The following GLB1L3 variants were observed in gnomAD, a reference collection of about 807,000 sequenced individuals.
GLB1L3 encodes beta-galactosidase-1-like protein 3.
A neutral mutation model predicts 89.5 loss-of-function variants in GLB1L3; 89 were observed. That is an observed-to-expected ratio of 0.99 (90% CI 0.84 to 1.19). The LOEUF (loss-of-function observed/expected upper bound fraction) is 1.19. GLB1L3 is among the 50% of genes most tolerant of loss of function. The pLI is 0.00. For synonymous variants in GLB1L3, 314 were observed against 312.3 expected (o/e 1.01, Z -0.06); for missense variants, 812 against 813.3 (o/e 1.00, Z 0.02).
In GLB1L3 at chr11:134,305,381, T is replaced by C. The variant is rs1007212178; in HGVS notation, c.877-1743T>C. ...TCCTAAAATCTTCGACAAAGAGCAT[T>C]CTCTCTCTACGTTTTTTGAACCCCT... On this transcript the variant is annotated intron_variant, in intron 9 of 19. Coordinates refer to ENST00000431683, the MANE Select transcript of GLB1L3 (RefSeq NM_001080407.3). 15 of 461,538 alleles carry C rather than the reference T, an allele frequency of 3.2e-5. No homozygotes were observed. The Admixed American group carries it at 5.8e-4, about 18-fold the overall frequency. The allele number at this position is 461,538 out of a possible 1,614,324, so 28.6% of individuals were successfully genotyped here.
rs1238637869 is a variant in GLB1L3, at chr11:134,292,124, C to T, written c.730-8C>T. On this transcript the variant is annotated splice_polypyrimidine_tract_variant and splice_region_variant and intron_variant, in intron 7 of 19. Coordinates refer to ENST00000431683, the MANE Select transcript of GLB1L3 (RefSeq NM_001080407.3). ...AATTGGGTTCATTTTGGTTAATTTT[C>T]TCAACAGGCCCTGCTGAGAAGAGGG... 3 of 1,611,472 alleles carry T rather than the reference C, an allele frequency of 1.9e-6. No homozygotes were observed. Among genetic ancestry groups the T allele is most frequent in the Non-Finnish European group, 2.5e-6 (3 of 1,178,116 alleles).
intron 11 of GLB1L3, chr11:134,310,370 C>G: frequency 3.5e-6 from 2 of 579,190 alleles, no homozygotes; most frequent in Non-Finnish European, 6.1e-6. Flanking sequence ...AGTGTCATGG[C>G]TTGACACTGG....
At position 134,314,026 on chromosome 11, in the gene GLB1L3, G is replaced by A. The variant is rs759059987; in HGVS notation, c.1665G>A (p.Glu555=). Residue 555 remains glutamate, a splice_region_variant and synonymous_variant, in exon 17 of 20, where the codon GAG becomes GAA. Transcript: ENST00000431683. ...YSLEMKMSFF[E]RLRSATWKPV... Reference sequence around the variant, plus strand: ...TGGAGATGAAAATGAGCTTCTTTGAGAGGTATGCTCCAGCTGGCCCCCAGT... The same window carrying A: ...TGGAGATGAAAATGAGCTTCTTTGAAAGGTATGCTCCAGCTGGCCCCCAGT... 1 of 1,604,570 alleles carries A rather than the reference G, an allele frequency of 6.2e-7. No individual in the cohort carries two copies. The highest frequency in any genetic ancestry group is 1.7e-5 in the Admixed American group (1 of 59,798).
intron 5 of GLB1L3, among the ~76,000 whole-genome samples, chr11:134,283,220 A>G (rs1184333633): frequency 6.6e-6 from 1 of 151,678 alleles, no homozygotes; most frequent in Admixed American, 6.6e-5. Context: ...CCGCCACCAC[A>G]CCCGGCTAAT....
chr11:134,302,417 T>A (rs1191469245), intron 9 of GLB1L3, among the ~76,000 whole-genome samples: 1 of 152,224 alleles, frequency 6.6e-6, no homozygotes, highest in Non-Finnish European at 1.5e-5. Context: ...TCTCTGACTT[T>A]GGACATCATA....
chr11:134,313,273 C>G, intron 15 of GLB1L3, 123 bp from the exon 16 acceptor site: 1 of 692,734 alleles, frequency 1.4e-6, no homozygotes, highest in East Asian at 2.7e-5. Flanking sequence ...GGGAAGACTG[C>G]TGGGCCCTGG....
chr11:134,308,568 C>G (rs1174307466), intron 10 of GLB1L3, among the ~76,000 whole-genome samples: 9 of 138,296 alleles, frequency 6.5e-5, no homozygotes, highest in Non-Finnish European at 1.3e-4. Flanking sequence ...ACCACCACCA[C>G]CACCATCACC....
intron 18 of GLB1L3, among the ~76,000 whole-genome samples, chr11:134,317,433 TC>T (rs1943032698): frequency 6.6e-6 from 1 of 152,184 alleles, no homozygotes. Context: ...TTTTCCAACT[TC>T]CTTTGTCATT....
At chr11:134,312,734 C>T in intron 14 of GLB1L3, 82 bp from the exon 15 acceptor site, 1 of 1,172,420 alleles carries the variant, frequency 8.5e-7, no homozygotes. Flanking sequence ...TTCATACTGA[C>T]CTCCTTCTCC....
chr11:134,308,380 TCACCACCATCACCACCATCACCATCACC>T (rs1942422143), intron 10 of GLB1L3, among the ~76,000 whole-genome samples: 1 of 17,514 alleles, frequency 5.7e-5, no homozygotes, highest in Non-Finnish European at 1.1e-4. Context: ...ACCACCACCA[TCACCACCATCACCACCATCACCATCACC>T]ACCACCACCA....
At chr11:134,278,011 T>TA in intron 3 of GLB1L3, 99 bp downstream of exon 3, 2 of 1,095,484 alleles carry the variant, frequency 1.8e-6, no homozygotes, top group African/African-American at 1.6e-5. Context: ...CGTGAGGACT[T>TA]ACCTTCCGCA....
At chr11:134,277,582 C>A in intron 2 of GLB1L3, 118 bp from the exon 3 acceptor site, 1 of 1,508,370 alleles carries the variant, frequency 6.6e-7, no homozygotes, top group Non-Finnish European at 9.2e-7. Context: ...CTAACATATG[C>A]ACAGAACACG....
At chr11:134,324,862 CATA>C in the GLB1L3 span, among the ~76,000 whole-genome samples, 2 of 150,752 alleles carry the variant, frequency 1.3e-5, no homozygotes, top group Non-Finnish European at 3.0e-5. Context: ...TGTGATATAA[CATA>C]ATCTTTATTG....
At chr11:134,324,923 G>T in the GLB1L3 span, among the ~76,000 whole-genome samples, 1 of 151,716 alleles carries the variant, frequency 6.6e-6, no homozygotes, top group Non-Finnish European at 1.5e-5. Flanking sequence ...TAATTCATAT[G>T]ATATAAAATG....
At chr11:134,285,738 C>G (rs1182619338) in intron 6 of GLB1L3, among the ~76,000 whole-genome samples, 1 of 152,172 alleles carries the variant, frequency 6.6e-6, no homozygotes. Flanking sequence ...TGCCTCTGAA[C>G]TCCAGCCTGG....
At chr11:134,315,127 C>T (rs1323088159) in intron 18 of GLB1L3, among the ~76,000 whole-genome samples, 2 of 152,118 alleles carry the variant, frequency 1.3e-5, no homozygotes, top group African/African-American at 2.4e-5. Flanking sequence ...TTTTGTTCAA[C>T]ATTGTGAGGT....
At position 134,314,352 on chromosome 11, in the gene GLB1L3, C is replaced by T; in HGVS notation, c.1690C>T (p.Pro564Ser). ...CAGGCTCCGCTCTGCCACCTGGAAGCCTGTCCCAGACAGCCACCAGGGCCC... is the reference window on the plus strand; with the variant it reads ...CAGGCTCCGCTCTGCCACCTGGAAGTCTGTCCCAGACAGCCACCAGGGCCC... ...FERLRSATWK[P>S]VPDSHQGPAF... The change falls in exon 18 of 20, where the codon CCT (proline) becomes TCT (serine). Residue 564 changes from proline (P) to serine (S), a missense_variant. Transcript: ENST00000431683. 6.5e-7 allele frequency: 1 copy of T among 1,550,172 alleles called. No homozygotes were observed. Among genetic ancestry groups the T allele is most frequent in the Non-Finnish European group, 8.7e-7 (1 of 1,146,436 alleles).
intron 5 of GLB1L3, among the ~76,000 whole-genome samples, chr11:134,283,191 T>C (rs1310188088): frequency 6.6e-6 from 1 of 151,984 alleles, no homozygotes; most frequent in Non-Finnish European, 1.5e-5. Flanking sequence ...GCCTCCTGAG[T>C]AGCTGGGATT....
intron 9 of GLB1L3, among the ~76,000 whole-genome samples, chr11:134,293,566 C>T (rs980050295): frequency 4.6e-5 from 7 of 152,116 alleles, no homozygotes; most frequent in Admixed American, 1.3e-4. Context: ...TAGCCTTTCC[C>T]GCCACAGCTT....
Sources: gnomAD v4.1 joint callset for allele counts (sites outside exome capture counted in the v4.1 genomes callset) on GRCh38, gnomAD v4.1.1 for gene constraint, MANE v1.5 for transcripts, NCBI Gene and HGNC (gene_info 2026-07-23, HGNC 2026-07-21) for gene names.